The following PDZRN4 variants were observed in gnomAD, a reference collection of about 807,000 sequenced individuals.
The protein encoded by PDZRN4 is PDZ domain-containing RING finger protein 4.
In PDZRN4, 70 loss-of-function variants were observed where a neutral mutation model predicts 99.0. The ratio of observed to expected loss-of-function variants is 0.71; its 90% CI spans 0.58 to 0.86. The LOEUF (loss-of-function observed/expected upper bound fraction) is 0.86. PDZRN4 is among the 40% of genes least tolerant of loss of function. The probability of loss-of-function intolerance (pLI) is 0.00; values close to 1 mark genes in which losing one functional copy is unlikely to be tolerated. For missense variants in PDZRN4, 1,474 were observed against 1,331.2 expected (o/e 1.11, Z -1.67); for synonymous variants, 551 against 501.6 (o/e 1.10, Z -1.32).
intron 3 of PDZRN4, among the ~76,000 whole-genome samples, chr12:41,241,344 T>TA (rs1367658328): frequency 6.6e-6 from 1 of 151,510 alleles, no homozygotes; most frequent in East Asian, 1.9e-4. Context: ...GTTTGGTTGT[T>TA]AATTTTGTTG....
At chr12:41,420,333 C>G (rs1952478470) in intron 3 of PDZRN4, among the ~76,000 whole-genome samples, 1 of 152,094 alleles carries the variant, frequency 6.6e-6, no homozygotes. Flanking sequence ...GAACTCATTC[C>G]TATTAGAAAA....
At chr12:41,507,093 C>T (rs1272517953) in intron 4 of PDZRN4, among the ~76,000 whole-genome samples, 1 of 152,146 alleles carries the variant, frequency 6.6e-6, no homozygotes, top group Non-Finnish European at 1.5e-5. Flanking sequence ...GAAGTGGCAT[C>T]TTGGCACCAC....
intron 1 of PDZRN4, among the ~76,000 whole-genome samples, chr12:41,190,484 A>G (rs1384069404): frequency 6.6e-6 from 1 of 152,234 alleles, no homozygotes; most frequent in Non-Finnish European, 1.5e-5. Context: ...ATAATATTAC[A>G]GAAAAGTCCA....
chr12:41,426,910 A>G, intron 3 of PDZRN4, among the ~76,000 whole-genome samples: 1 of 152,202 alleles, frequency 6.6e-6, no homozygotes, highest in African/African-American at 2.4e-5. Flanking sequence ...TTTGCTATGA[A>G]TAACTCAGAA....
rs147099919 is a variant in PDZRN4 at position 41,544,786 on chromosome 12, A to C, written c.1204-7870A>C. The stretch of plus-strand genomic sequence containing the variant: ...TAGACAGTGGTACCATCTGGCAATT[A>C]AGCTGAGAGCTGAAAAATGAGAAAG... On this transcript the variant is annotated intron_variant, in intron 5 of 9. Transcript: ENST00000402685. Among the ~76,000 whole-genome samples, 136 of 152,306 alleles carry C rather than the reference A, an allele frequency of 8.9e-4. 2 individuals carry two copies. In the East Asian group the frequency reaches 0.013, roughly 14 times the overall value.
At chr12:41,514,309 G>A (rs1045175490) in intron 5 of PDZRN4, among the ~76,000 whole-genome samples, 4 of 151,988 alleles carry the variant, frequency 2.6e-5, no homozygotes, top group Non-Finnish European at 5.9e-5. Context: ...TTTGCAAAAT[G>A]TATTTCCTGG....
chr12:41,520,469 A>G (rs1374004855), intron 5 of PDZRN4, among the ~76,000 whole-genome samples: 1 of 152,108 alleles, frequency 6.6e-6, no homozygotes, highest in African/African-American at 2.4e-5. Flanking sequence ...CTCGAAAAGG[A>G]TTTAGAACTG....
intron 3 of PDZRN4, among the ~76,000 whole-genome samples, chr12:41,398,550 T>C (rs1360089383): frequency 1.3e-5 from 2 of 152,186 alleles, no homozygotes; most frequent in Non-Finnish European, 2.9e-5. Flanking sequence ...CATGGTGATA[T>C]ATTTAGCTGT....
At chr12:41,513,813 G>C (rs979351810) in intron 5 of PDZRN4, among the ~76,000 whole-genome samples, 1 of 152,100 alleles carries the variant, frequency 6.6e-6, no homozygotes, top group Non-Finnish European at 1.5e-5. Context: ...CTGAGTGCAA[G>C]GAAGATGTTG....
intron 3 of PDZRN4, among the ~76,000 whole-genome samples, chr12:41,259,386 C>T (rs537068852): frequency 9.2e-5 from 14 of 152,108 alleles, no homozygotes; most frequent in Non-Finnish European, 1.6e-4. Context: ...GACATGCTTA[C>T]GTATTTGCTC....
At chr12:41,227,829 T>C (rs1951004061) in intron 3 of PDZRN4, among the ~76,000 whole-genome samples, 1 of 140,554 alleles carries the variant, frequency 7.1e-6, no homozygotes, top group African/African-American at 2.7e-5. Flanking sequence ...AAAGTAGAAA[T>C]AGAAAGGAAA....
At chr12:41,341,217 C>A (rs1951814616) in intron 3 of PDZRN4, among the ~76,000 whole-genome samples, 1 of 151,014 alleles carries the variant, frequency 6.6e-6, no homozygotes, top group African/African-American at 2.4e-5. Context: ...CATCTCAACA[C>A]AATGAAGGCC....
chr12:41,467,605 G>T (rs916624118), intron 3 of PDZRN4, among the ~76,000 whole-genome samples: 1 of 152,170 alleles, frequency 6.6e-6, no homozygotes, highest in Non-Finnish European at 1.5e-5. Context: ...TTCACCATTT[G>T]CCCAGAACAC....
intron 3 of PDZRN4, among the ~76,000 whole-genome samples, chr12:41,396,389 C>T (rs7966732): frequency 0.64 from 98,045 of 152,026 alleles, 33,756 homozygotes; most frequent in African/African-American, 0.91. Context: ...TGCATTTTAG[C>T]GTTTGCTATT....
At chr12:41,533,886 T>C (rs1186431351) in intron 5 of PDZRN4, among the ~76,000 whole-genome samples, 1 of 152,300 alleles carries the variant, frequency 6.6e-6, no homozygotes, top group East Asian at 1.9e-4. Flanking sequence ...TTCTTCCCTT[T>C]TTAAAAATCT....
chr12:41,189,553 G>A (rs1443859546), intron 1 of PDZRN4, among the ~76,000 whole-genome samples: 2 of 152,170 alleles, frequency 1.3e-5, no homozygotes, highest in East Asian at 1.9e-4. Context: ...CCGCGGCCCT[G>A]GCAGCCGCGC....
chr12:41,488,132 T>C (rs1937811596), intron 3 of PDZRN4, among the ~76,000 whole-genome samples: 1 of 152,206 alleles, frequency 6.6e-6, no homozygotes. Context: ...CACTGCCTTT[T>C]AGCCGTGCAA....
chr12:41,526,534 C>T (rs1269559772), intron 5 of PDZRN4, among the ~76,000 whole-genome samples: 1 of 152,148 alleles, frequency 6.6e-6, no homozygotes, highest in East Asian at 1.9e-4. Context: ...GAATGTGGAG[C>T]ATAAGGAAAG....
At chr12:41,563,526 G>T (rs756879218) in intron 7 of PDZRN4, 22 bp from the exon 8 acceptor site, 4 of 1,528,906 alleles carry the variant, frequency 2.6e-6, no homozygotes, top group Admixed American at 3.3e-5. Context: ...AAACTAATGT[G>T]CCACTCTCAT....
Sources: allele counts gnomAD v4.1 joint callset (sites outside exome capture counted in the v4.1 genomes callset), GRCh38; gene constraint gnomAD v4.1.1; transcripts MANE v1.5; gene names NCBI Gene and HGNC (gene_info 2026-07-23, HGNC 2026-07-21).